SGF29: variants seen among roughly 807,000 people sequenced by gnomAD.
The protein encoded by SGF29 is SAGA-associated factor 29.
Under a neutral mutation model 38.1 loss-of-function variants are expected in SGF29, and 15 were observed. The ratio of observed to expected loss-of-function variants is 0.39; its 90% CI spans 0.26 to 0.61. SGF29 has a LOEUF of 0.61. Ranked by LOEUF, SGF29 falls within the 20% of genes least tolerant of loss-of-function variation. SGF29 has a pLI of 0.49. For synonymous variants in SGF29, 151 were observed against 160.8 expected (o/e 0.94, Z 0.46); for missense variants, 184 against 394.6 (o/e 0.47, Z 4.52).
intron 1 of SGF29, among the ~76,000 whole-genome samples, chr16:28,561,854 C>T (rs147460292): frequency 1.1e-4 from 16 of 152,320 alleles, no homozygotes; most frequent in African/African-American, 3.8e-4. Flanking sequence ...AACCCCAGGG[C>T]CTCATTCCCA....
chr16:28,561,109 A>G (rs1038826555), intron 1 of SGF29, among the ~76,000 whole-genome samples: 4 of 152,144 alleles, frequency 2.6e-5, no homozygotes, highest in Admixed American at 2.6e-4. Flanking sequence ...AAACTTCGTC[A>G]GGCCAGGTGT....
At chr16:28,564,087 G>A (rs1242861923) in intron 1 of SGF29, among the ~76,000 whole-genome samples, 2 of 152,098 alleles carry the variant, frequency 1.3e-5, no homozygotes, top group African/African-American at 2.4e-5. Flanking sequence ...GAGACAGTGA[G>A]ACAGGTGATG....
chr16:28,570,746 T>G (rs1370554848), intron 1 of SGF29, among the ~76,000 whole-genome samples: 1 of 151,650 alleles, frequency 6.6e-6, no homozygotes, highest in East Asian at 1.9e-4. Context: ...CCCAGCTAAT[T>G]TTTGTATTTT....
chr16:28,582,609 C>G (rs1385681672), intron 2 of SGF29, among the ~76,000 whole-genome samples: 2 of 152,172 alleles, frequency 1.3e-5, no homozygotes, highest in Middle Eastern at 3.2e-3. Context: ...TAAACCAAAA[C>G]TGCTCTAAGA....
intron 1 of SGF29, among the ~76,000 whole-genome samples, chr16:28,557,374 TG>T (rs1437275952): frequency 1.3e-5 from 2 of 152,246 alleles, no homozygotes; most frequent in Non-Finnish European, 2.9e-5. Context: ...TGGAGCTTCC[TG>T]GAGGGTGGCG....
At position 28,585,701 on chromosome 16, in the gene SGF29, G is replaced by A. The variant is rs2046952789; in HGVS notation, c.205G>A (p.Asp69Asn). 6.2e-7 allele frequency: 1 copy of A among 1,614,182 alleles called. No homozygotes were observed. Among genetic ancestry groups the A allele is most frequent in the Non-Finnish European group, 8.5e-7 (1 of 1,180,004 alleles). ...LRGLYTTAKA[D>N]AEAECNILRK... ...TGGCCTCTACACAACCGCCAAGGCC[G>A]ATGCAGAGGCTGAGTGCAAGTGAGT... is the stretch of plus-strand genomic sequence containing the variant. Residue 69 changes from aspartate (D) to asparagine (N), a missense_variant, in exon 4 of 10, where the codon GAT (aspartate) becomes AAT (asparagine). Transcript: ENST00000317058.
At chr16:28,584,126 G>T (rs1355907496) in intron 2 of SGF29, among the ~76,000 whole-genome samples, 1 of 151,618 alleles carries the variant, frequency 6.6e-6, no homozygotes, top group East Asian at 1.9e-4. Flanking sequence ...GAGTAGCTAG[G>T]ACTATACGCA....
intron 1 of SGF29, among the ~76,000 whole-genome samples, chr16:28,576,917 G>T (rs758700664): frequency 3.4e-4 from 52 of 152,210 alleles, no homozygotes; most frequent in Non-Finnish European, 3.2e-4. Flanking sequence ...CACTTTGGGA[G>T]GCTGAGGCAG....
intron 2 of SGF29, among the ~76,000 whole-genome samples, chr16:28,583,851 T>C: frequency 6.6e-6 from 1 of 152,150 alleles, no homozygotes; most frequent in East Asian, 1.9e-4. Context: ...TTTTCCAAGA[T>C]TGGGGATAAT....
Position 28,590,085 on chromosome 16 carries a change from C to A in SGF29, c.290-11C>A. 2 of 1,608,820 alleles carry A rather than the reference C, an allele frequency of 1.2e-6. No homozygotes were observed. Among genetic ancestry groups the A allele is most frequent in the Non-Finnish European group, 1.7e-6 (2 of 1,178,060 alleles). On this transcript the variant is annotated splice_polypyrimidine_tract_variant and intron_variant, in intron 5 of 9. Transcript: ENST00000317058. This position sits in a 1 kb window ranked among gnomAD's most constrained non-coding sequence, Gnocchi z 8.2. ...ATCCCTGGGGCCTCAGGCCTCCCTTCCTTCCCACAGCGGCCAAGATTGCCG... is the reference window on the plus strand; with the variant it reads ...ATCCCTGGGGCCTCAGGCCTCCCTTACTTCCCACAGCGGCCAAGATTGCCG...
chr16:28,577,906 C>T (rs1344960634), intron 1 of SGF29, among the ~76,000 whole-genome samples: 1 of 152,152 alleles, frequency 6.6e-6, no homozygotes, highest in Non-Finnish European at 1.5e-5. Flanking sequence ...TTTGTCTTGA[C>T]ACCCTTGTTG....
chr16:28,591,025 T>C, intron 9 of SGF29, 90 bp downstream of exon 9: 1 of 1,427,816 alleles, frequency 7.0e-7, no homozygotes, highest in Non-Finnish European at 9.3e-7. Context: ...TCCTTCCCTT[T>C]GTCCTCATCT....
intron 1 of SGF29, among the ~76,000 whole-genome samples, chr16:28,559,226 A>G (rs1445997771): frequency 6.6e-6 from 1 of 152,122 alleles, no homozygotes; most frequent in East Asian, 1.9e-4. Context: ...AGGCTGGGGC[A>G]GGAGGATTGA....
intron 1 of SGF29, among the ~76,000 whole-genome samples, chr16:28,574,232 T>A (rs1286961018): frequency 6.6e-6 from 1 of 152,164 alleles, no homozygotes; most frequent in Non-Finnish European, 1.5e-5. Flanking sequence ...TGAGGTCCAG[T>A]GCGGTGTTTA....
chr16:28,574,583 G>A (rs2046882956), intron 1 of SGF29, among the ~76,000 whole-genome samples: 1 of 152,136 alleles, frequency 6.6e-6, no homozygotes. Flanking sequence ...GCCCTCTCCT[G>A]CCCTGCTCCT....
intron 1 of SGF29, among the ~76,000 whole-genome samples, chr16:28,565,284 C>CG (rs1411447333): frequency 1.3e-5 from 2 of 152,128 alleles, no homozygotes; most frequent in Non-Finnish European, 2.9e-5. Flanking sequence ...CCAGGAACAG[C>CG]GCTTCACCAG....
chr16:28,555,294 T>G (rs2046742608), intron 1 of SGF29, among the ~76,000 whole-genome samples: 1 of 149,440 alleles, frequency 6.7e-6, no homozygotes, highest in South Asian at 2.1e-4. Flanking sequence ...TGAAATCCAG[T>G]CTCTTCTAAA....
chr16:28,554,652 C>T (rs1221457417), intron 1 of SGF29, among the ~76,000 whole-genome samples: 1 of 152,154 alleles, frequency 6.6e-6, no homozygotes, highest in East Asian at 1.9e-4. Flanking sequence ...CCTCCTTCAC[C>T]CTCGCTATCC....
intron 1 of SGF29, among the ~76,000 whole-genome samples, chr16:28,564,808 AACAC>A (rs1161981851): frequency 3.0e-5 from 4 of 134,156 alleles, no homozygotes; most frequent in South Asian, 2.3e-4. Flanking sequence ...CACACACACA[AACAC>A]ACACACACAC....
Sources: allele counts gnomAD v4.1 joint callset (sites outside exome capture counted in the v4.1 genomes callset), GRCh38; gene constraint gnomAD v4.1.1; non-coding constraint Gnocchi (gnomAD v3.1); transcripts MANE v1.5; gene names NCBI Gene and HGNC (gene_info 2026-07-23, HGNC 2026-07-21).